CTIF: variants seen among roughly 807,000 people sequenced by gnomAD.
CTIF encodes the protein CBP80/20-dependent translation initiation factor.
A neutral mutation model predicts 66.0 loss-of-function variants in CTIF; 21 were observed. The ratio of observed to expected loss-of-function variants is 0.32; its 90% CI spans 0.23 to 0.46. CTIF has a LOEUF of 0.46. CTIF is among the 20% of genes least tolerant of loss of function. CTIF has a pLI of 1.00. For missense variants in CTIF, 739 were observed against 812.7 expected (o/e 0.91, Z 1.10); for synonymous variants, 345 against 326.4 (o/e 1.06, Z -0.62).
intron 1 of CTIF, among the ~76,000 whole-genome samples, chr18:48,573,453 T>A (rs1304700213): frequency 6.6e-6 from 1 of 152,234 alleles, no homozygotes; most frequent in Non-Finnish European, 1.5e-5. Flanking sequence ...TCATTGTCTG[T>A]TTATTTTTGT....
chr18:48,600,957 C>T (rs947158048), intron 1 of CTIF, among the ~76,000 whole-genome samples: 3 of 152,084 alleles, frequency 2.0e-5, no homozygotes, highest in Non-Finnish European at 2.9e-5. Context: ...ATCTGAGAGG[C>T]GCCTCCTTGC....
intron 10 of CTIF, among the ~76,000 whole-genome samples, chr18:48,828,432 A>G (rs2068626187): frequency 6.6e-6 from 1 of 152,114 alleles, no homozygotes; most frequent in African/African-American, 2.4e-5. Flanking sequence ...AACATCAACT[A>G]TTTGGCATTT....
At chr18:48,800,315 A>G (rs1244614390) in intron 9 of CTIF, among the ~76,000 whole-genome samples, 1 of 152,220 alleles carries the variant, frequency 6.6e-6, no homozygotes, top group Non-Finnish European at 1.5e-5. Context: ...ACTCTCTGCC[A>G]GATACTCAAG....
chr18:48,617,088 G>C (rs2090413771), intron 1 of CTIF, among the ~76,000 whole-genome samples: 1 of 152,248 alleles, frequency 6.6e-6, no homozygotes, highest in South Asian at 2.1e-4. Flanking sequence ...TGGGGGAAAA[G>C]TCTGCTTCCA....
intron 7 of CTIF, among the ~76,000 whole-genome samples, chr18:48,754,459 C>T (rs1285397676): frequency 6.6e-6 from 1 of 152,232 alleles, no homozygotes; most frequent in Non-Finnish European, 1.5e-5. Context: ...ACCCTGAGAA[C>T]TAAGCAAGGC....
chr18:48,853,029 C>T (rs1282775229), intron 10 of CTIF, among the ~76,000 whole-genome samples: 1 of 152,176 alleles, frequency 6.6e-6, no homozygotes, highest in Non-Finnish European at 1.5e-5. Context: ...CATCAGAGGG[C>T]CTTGCAAGCA....
intron 7 of CTIF, among the ~76,000 whole-genome samples, chr18:48,749,733 G>T (rs890189859): frequency 2.6e-5 from 4 of 152,226 alleles, no homozygotes; most frequent in Admixed American, 6.5e-5. Flanking sequence ...TAAGGAACTT[G>T]CCCAAAGTTG....
intron 3 of CTIF, among the ~76,000 whole-genome samples, chr18:48,652,864 C>A (rs1025660905): frequency 6.6e-6 from 1 of 152,152 alleles, no homozygotes. Flanking sequence ...ATAAACAAAA[C>A]CAACGACAAA....
intron 7 of CTIF, among the ~76,000 whole-genome samples, chr18:48,738,196 C>T (rs1052268399): frequency 5.9e-5 from 9 of 152,340 alleles, no homozygotes; most frequent in African/African-American, 2.2e-4. Flanking sequence ...CTGCGGGTCC[C>T]ATCTTCAAAG....
At chr18:48,710,943 G>T (rs1375452958) in intron 6 of CTIF, among the ~76,000 whole-genome samples, 1 of 152,136 alleles carries the variant, frequency 6.6e-6, no homozygotes, top group Admixed American at 6.5e-5. Context: ...CAGCTCTTCA[G>T]CCTGGATGAC....
chr18:48,594,168 C>CCGGAAAAGGCAT (rs765620760), intron 1 of CTIF, among the ~76,000 whole-genome samples: 7 of 151,898 alleles, frequency 4.6e-5, no homozygotes, highest in Admixed American at 6.6e-5. Flanking sequence ...TCCGGCGGGT[C>CCGGAAAAGGCAT]CTGGGGGATG....
At chr18:48,630,731 G>T (rs980152221) in intron 2 of CTIF, among the ~76,000 whole-genome samples, 2 of 151,176 alleles carry the variant, frequency 1.3e-5, no homozygotes. Context: ...GCTGGAGTGC[G>T]GTGGCGCGAT....
At chr18:48,581,225 TTG>T (rs200515156) in intron 1 of CTIF, among the ~76,000 whole-genome samples, 2,844 of 152,172 alleles carry the variant, frequency 0.019, 94 homozygotes, top group African/African-American at 0.065. Flanking sequence ...TTGTTTTTTT[TTG>T]GGTTTTTTTT....
At chr18:48,718,952 C>T (rs539330714) in intron 7 of CTIF, among the ~76,000 whole-genome samples, 8 of 152,260 alleles carry the variant, frequency 5.3e-5, no homozygotes, top group Non-Finnish European at 7.4e-5. Flanking sequence ...CTGACAGATG[C>T]GGCAACTGCA....
At chr18:48,759,509 T>C (rs1239523131) in intron 8 of CTIF, among the ~76,000 whole-genome samples, 1 of 152,120 alleles carries the variant, frequency 6.6e-6, no homozygotes, top group Non-Finnish European at 1.5e-5. Flanking sequence ...CTGCTAAATG[T>C]AACTGCAGGG....
At chr18:48,813,318 G>C (rs1396132335) in intron 9 of CTIF, among the ~76,000 whole-genome samples, 1 of 152,112 alleles carries the variant, frequency 6.6e-6, no homozygotes, top group Admixed American at 6.5e-5. Context: ...AAGCCCACAT[G>C]TTTTGCACTT....
chr18:48,787,765 G>A (rs942640247), intron 9 of CTIF, among the ~76,000 whole-genome samples: 2 of 152,166 alleles, frequency 1.3e-5, no homozygotes, highest in Non-Finnish European at 2.9e-5. Context: ...GCAGATTCAT[G>A]GCTCCCAGCT....
rs537074388 is a variant in CTIF at position 48,619,503 on chromosome 18, C to T, written c.-28-35C>T. On this transcript the variant is annotated intron_variant, in intron 1 of 11. Transcript: ENST00000256413. Reference sequence around the variant, plus strand: ...TGGGCATCGTCGTCTCCTCCAGCAGCGTCTCACGGAGTTCTCTGTCCTCTT... The same window carrying T: ...TGGGCATCGTCGTCTCCTCCAGCAGTGTCTCACGGAGTTCTCTGTCCTCTT... 128 of 1,318,448 alleles carry T rather than the reference C, an allele frequency of 9.7e-5. No homozygotes were observed. The African/African-American group carries it at 1.4e-3, about 14-fold the overall frequency. 81.7% of individuals were successfully genotyped at this position (1,318,448 alleles called of 1,614,324 possible). A position where few individuals can be genotyped will look rare whatever the true frequency, so the allele number is the denominator to read the frequency against.
intron 9 of CTIF, among the ~76,000 whole-genome samples, chr18:48,803,774 A>AG (rs971731328): frequency 3.3e-5 from 5 of 152,154 alleles, no homozygotes; most frequent in East Asian, 3.9e-4. Flanking sequence ...ACATTTGGGG[A>AG]GGGGGGGCTC....
Sources: allele counts gnomAD v4.1 joint callset (sites outside exome capture counted in the v4.1 genomes callset), GRCh38; gene constraint gnomAD v4.1.1; transcripts MANE v1.5; gene names NCBI Gene and HGNC (gene_info 2026-07-23, HGNC 2026-07-21).